SLC4A10: variants seen among roughly 807,000 people sequenced by gnomAD.
The protein encoded by SLC4A10 is sodium-driven chloride bicarbonate exchanger.
SLC4A10 carries 42 observed loss-of-function variants against 137.7 expected under a neutral mutation model. That is an observed-to-expected ratio of 0.30 (90% CI 0.24 to 0.39). The LOEUF is 0.39. Ranked by LOEUF, SLC4A10 falls within the 10% of genes least tolerant of loss-of-function variation. The probability of loss-of-function intolerance (pLI) is 1.00; values close to 1 mark genes in which losing one functional copy is unlikely to be tolerated. For synonymous variants in SLC4A10, 474 were observed against 464.1 expected, an observed-to-expected ratio of 1.02 and a Z score of -0.27; for missense variants, 925 against 1,355.0, an observed-to-expected ratio of 0.68 and a Z score of 4.98.
intron 5 of SLC4A10, among the ~76,000 whole-genome samples, chr2:161,856,902 C>T (rs770320112): frequency 1.8e-4 from 28 of 152,262 alleles, no homozygotes; most frequent in Admixed American, 1.0e-3. Flanking sequence ...TCGATGATGG[C>T]GCTACCTTTA....
chr2:161,710,410 A>T (rs974898855), intron 1 of SLC4A10, among the ~76,000 whole-genome samples: 9 of 151,726 alleles, frequency 5.9e-5, no homozygotes, highest in Non-Finnish European at 1.2e-4. Flanking sequence ...AACTGTAAAG[A>T]TTTTTAGTTA....
At chr2:161,838,232 T>C (rs930173984) in intron 3 of SLC4A10, among the ~76,000 whole-genome samples, 1 of 152,124 alleles carries the variant, frequency 6.6e-6, no homozygotes, top group Non-Finnish European at 1.5e-5. Context: ...ATTTGGGTCT[T>C]TTCCATAAAT....
chr2:161,882,235 T>C (rs544177353), intron 9 of SLC4A10, 122 bp from the exon 10 acceptor site: 90 of 563,368 alleles, frequency 1.6e-4, no homozygotes, highest in African/African-American at 1.5e-3. Flanking sequence ...TATGAAAAAC[T>C]ATGGAAGTAT....
chr2:161,823,326 T>A (rs1008788817), intron 3 of SLC4A10, among the ~76,000 whole-genome samples: 1 of 152,258 alleles, frequency 6.6e-6, no homozygotes, highest in African/African-American at 2.4e-5. Flanking sequence ...AATAATGTTG[T>A]AGCCACTTGC....
intron 2 of SLC4A10, among the ~76,000 whole-genome samples, chr2:161,780,850 A>G (rs751833303): frequency 5.9e-5 from 9 of 152,032 alleles, no homozygotes; most frequent in Non-Finnish European, 1.0e-4. Context: ...CCATGTTTCT[A>G]TTTTCATAGG....
chr2:161,700,323 G>A (rs1403237444), intron 1 of SLC4A10, among the ~76,000 whole-genome samples: 2 of 152,136 alleles, frequency 1.3e-5, no homozygotes, highest in African/African-American at 4.8e-5. Context: ...TAACTAGGTG[G>A]TCATTCATAT....
intron 1 of SLC4A10, among the ~76,000 whole-genome samples, chr2:161,629,433 C>T (rs778408855): frequency 6.6e-6 from 1 of 150,384 alleles, no homozygotes; most frequent in African/African-American, 2.4e-5. Context: ...GATATAGGTT[C>T]GCAGCAATAT....
intron 1 of SLC4A10, among the ~76,000 whole-genome samples, chr2:161,645,465 T>A (rs1408666337): frequency 1.3e-5 from 2 of 152,050 alleles, no homozygotes. Context: ...GTAATTTTTG[T>A]TAGCCTCATC....
At chr2:161,799,396 A>C (rs979119117) in intron 2 of SLC4A10, among the ~76,000 whole-genome samples, 4 of 151,876 alleles carry the variant, frequency 2.6e-5, no homozygotes, top group Non-Finnish European at 5.9e-5. Flanking sequence ...ATATTGGAAA[A>C]ATTGATGGTA....
At chr2:161,846,514 C>T (rs1029033396) in intron 4 of SLC4A10, among the ~76,000 whole-genome samples, 1 of 152,122 alleles carries the variant, frequency 6.6e-6, no homozygotes. Context: ...ACACAAAGAC[C>T]TCTGCATGAG....
intron 3 of SLC4A10, among the ~76,000 whole-genome samples, 182 bp from the exon 4 acceptor site, chr2:161,839,607 A>C (rs748209891): frequency 6.4e-4 from 98 of 152,182 alleles, no homozygotes; most frequent in Middle Eastern, 3.4e-3. Flanking sequence ...GACTTCATGT[A>C]ATGATGAATT....
intron 1 of SLC4A10, among the ~76,000 whole-genome samples, chr2:161,627,870 T>G (rs2032750316): frequency 1.3e-5 from 2 of 152,108 alleles, no homozygotes; most frequent in African/African-American, 4.8e-5. Context: ...GTGCTGGAGA[T>G]GCAGCAATAA....
At chr2:161,932,188 G>A (rs1023436048) in intron 15 of SLC4A10, among the ~76,000 whole-genome samples, 1 of 152,124 alleles carries the variant, frequency 6.6e-6, no homozygotes, top group African/African-American at 2.4e-5. Context: ...CTAGTGAACT[G>A]GCTTACAGAC....
At chr2:161,825,127 A>G (rs2057928995) in intron 3 of SLC4A10, among the ~76,000 whole-genome samples, 1 of 152,196 alleles carries the variant, frequency 6.6e-6, no homozygotes, top group African/African-American at 2.4e-5. Flanking sequence ...CTATGTTATC[A>G]TTAAGGCACC....
intron 1 of SLC4A10, among the ~76,000 whole-genome samples, chr2:161,730,979 T>C (rs1310016104): frequency 6.6e-6 from 1 of 152,210 alleles, no homozygotes; most frequent in African/African-American, 2.4e-5. Context: ...CCAATAACAA[T>C]TGGTGAATCA....
intron 3 of SLC4A10, among the ~76,000 whole-genome samples, chr2:161,815,079 A>C (rs1312588375): frequency 6.6e-6 from 1 of 152,164 alleles, no homozygotes; most frequent in Non-Finnish European, 1.5e-5. Flanking sequence ...ATTAGCATTA[A>C]ATTTAAACTT....
intron 16 of SLC4A10, among the ~76,000 whole-genome samples, chr2:161,945,540 C>T (rs1307809232): frequency 6.6e-6 from 1 of 151,146 alleles, no homozygotes; most frequent in African/African-American, 2.4e-5. Flanking sequence ...AAAACGAGAG[C>T]AGGATTTGGA....
In SLC4A10 at chr2:161,983,968, C is replaced by G. The variant is rs1213178292; in HGVS notation, c.*816C>G. 1 of 152,094 alleles carries G rather than the reference C, an allele frequency of 6.6e-6. No homozygotes were observed. Among genetic ancestry groups the G allele is most frequent in the Non-Finnish European group, 1.5e-5 (1 of 68,006 alleles). 9.4% of individuals were successfully genotyped at this position (152,094 alleles called of 1,614,324 possible). ...GTTTTGTGGGATTTTTCAATATAAA[C>G]CTTTATCAGAAATATACTAAGTTTG... On this transcript the variant is annotated 3_prime_UTR_variant, in exon 27 of 27. Coordinates refer to ENST00000446997, the MANE Select transcript of SLC4A10 (RefSeq NM_001178015.2).
At chr2:161,664,733 G>A (rs2038852892) in intron 1 of SLC4A10, among the ~76,000 whole-genome samples, 1 of 150,074 alleles carries the variant, frequency 6.7e-6, no homozygotes, top group African/African-American at 2.4e-5. Context: ...CAATTTTTAG[G>A]GTGTTGAGTT....
Sources: gnomAD v4.1 joint callset for allele counts (sites outside exome capture counted in the v4.1 genomes callset) on GRCh38, gnomAD v4.1.1 for gene constraint, MANE v1.5 for transcripts, NCBI Gene and HGNC (gene_info 2026-07-23, HGNC 2026-07-21) for gene names.